Variants in ITPR2 observed in about 807,000 individuals in gnomAD.
ITPR2 encodes inositol 1,4,5-trisphosphate-gated calcium channel ITPR2.
ITPR2 carries 207 observed loss-of-function variants against 317.1 expected under a neutral mutation model. The ratio of observed to expected loss-of-function variants is 0.65; its 90% CI spans 0.58 to 0.73. The LOEUF (loss-of-function observed/expected upper bound fraction) is 0.73, where lower values mean the gene tolerates loss of function less well. Ranked by LOEUF, ITPR2 falls within the 30% of genes least tolerant of loss-of-function variation. The probability of loss-of-function intolerance (pLI) is 0.00; values close to 1 mark genes in which losing one functional copy is unlikely to be tolerated. For missense variants in ITPR2, 2,613 were observed against 3,284.0 expected (o/e 0.80, Z 4.99); for synonymous variants, 1,156 against 1,149.1 (o/e 1.01, Z -0.12).
chr12:26,775,959 T>TATATATACATACATATATATATATATATA (rs1263788006), intron 2 of ITPR2, among the ~76,000 whole-genome samples: 2 of 145,088 alleles, frequency 1.4e-5, no homozygotes, highest in Non-Finnish European at 1.5e-5. Flanking sequence ...TATATGTATA[T>TATATATACATACATATATATATATATATA]CCTATTAGTT....
chr12:26,589,728 A>T (rs1345864974), intron 32 of ITPR2, among the ~76,000 whole-genome samples: 1 of 147,520 alleles, frequency 6.8e-6, no homozygotes, highest in East Asian at 1.9e-4. Context: ...CAGAGGTTGC[A>T]GTGAGCCAAG....
At chr12:26,405,618 C>T (rs1195973275) in intron 52 of ITPR2, among the ~76,000 whole-genome samples, 2 of 151,982 alleles carry the variant, frequency 1.3e-5, no homozygotes, top group Non-Finnish European at 2.9e-5. Context: ...TTTAATAATG[C>T]CATTTTTCTG....
At chr12:26,647,213 A>C (rs1461520666) in intron 21 of ITPR2, among the ~76,000 whole-genome samples, 2 of 152,264 alleles carry the variant, frequency 1.3e-5, no homozygotes, top group Non-Finnish European at 2.9e-5. Context: ...GGATAACTAA[A>C]TAACAAACCA....
At chr12:26,406,122 G>GA (rs898703026) in intron 52 of ITPR2, among the ~76,000 whole-genome samples, 2 of 151,850 alleles carry the variant, frequency 1.3e-5, no homozygotes, top group Non-Finnish European at 2.9e-5. Flanking sequence ...ATTTTAACGA[G>GA]AAAAAAAATT....
At position 26,619,473 on chromosome 12, in the gene ITPR2, T is replaced by C. The variant is rs1339761276; in HGVS notation, c.3462+1650A>G. ...TACTTAATCTAAACTAATCCTGTAC[T>C]CCACTGGTGTAGAGTTTTAACATCT... is the stretch of plus-strand genomic sequence containing the variant. On this transcript the variant is annotated intron_variant, in intron 26 of 56. Transcript: ENST00000381340. Among the ~76,000 whole-genome samples the C allele has an allele frequency of 2.6e-5, 4 of 152,158 alleles. 1 individual carries two copies. Among genetic ancestry groups the C allele is most frequent in the African/African-American group, 9.7e-5 (4 of 41,440 alleles).
intron 21 of ITPR2, among the ~76,000 whole-genome samples, chr12:26,651,034 T>C (rs1947241070): frequency 6.6e-6 from 1 of 152,232 alleles, no homozygotes; most frequent in Admixed American, 6.5e-5. Context: ...GAAACCCTTA[T>C]TATTCTCTTT....
chr12:26,772,274 A>C (rs897673402), intron 2 of ITPR2, among the ~76,000 whole-genome samples: 1 of 151,338 alleles, frequency 6.6e-6, no homozygotes, highest in African/African-American at 2.4e-5. Flanking sequence ...GCCAAATGCC[A>C]TCTCAATTAA....
intron 55 of ITPR2, among the ~76,000 whole-genome samples, chr12:26,383,743 G>T (rs61914380): frequency 6.7e-6 from 1 of 148,732 alleles, no homozygotes; most frequent in African/African-American, 2.5e-5. Context: ...TGATCTTCCC[G>T]CCTCAGTCTC....
At chr12:26,582,864 G>A (rs1464354791) in intron 32 of ITPR2, among the ~76,000 whole-genome samples, 1 of 152,142 alleles carries the variant, frequency 6.6e-6, no homozygotes, top group African/African-American at 2.4e-5. Flanking sequence ...GTTGTATTCA[G>A]CTAATGTGAG....
At chr12:26,505,171 A>T (rs1012545054) in intron 37 of ITPR2, among the ~76,000 whole-genome samples, 1 of 152,188 alleles carries the variant, frequency 6.6e-6, no homozygotes, top group Non-Finnish European at 1.5e-5. Context: ...ATATTATAGG[A>T]AAAGAAAATG....
At chr12:26,766,074 G>C (rs150848063) in intron 2 of ITPR2, among the ~76,000 whole-genome samples, 4 of 152,048 alleles carry the variant, frequency 2.6e-5, no homozygotes, top group African/African-American at 9.7e-5. Context: ...TTTCCACTTC[G>C]AGCTATTATG....
rs577239838 is a variant in ITPR2 at position 26,436,132 on chromosome 12, C to T, written c.6769+89G>A. On this transcript the variant is annotated intron_variant, in intron 48 of 56. Coordinates refer to ENST00000381340, the MANE Select transcript of ITPR2 (RefSeq NM_002223.4). ...AACAAGTATAGAAAAATCCATTTAA[C>T]AGGAATGAAATTATTCTTATTTTGA... is the stretch of plus-strand genomic sequence containing the variant. 15 of 1,242,770 alleles carry T rather than the reference C, an allele frequency of 1.2e-5. No individual in the cohort carries two copies. In the African/African-American group the frequency reaches 2.1e-4, roughly 18 times the overall value. The allele number at this position is 1,242,770 out of a possible 1,614,324, so 77.0% of individuals were successfully genotyped here. A position where few individuals can be genotyped will look rare whatever the true frequency, so the allele number is the denominator to read the frequency against.
At chr12:26,497,955 C>T (rs932876148) in intron 37 of ITPR2, among the ~76,000 whole-genome samples, 5 of 152,080 alleles carry the variant, frequency 3.3e-5, no homozygotes, top group East Asian at 1.9e-4. Flanking sequence ...GAGCTGGTCT[C>T]GAACTCCTGA....
At chr12:26,532,336 G>A (rs1447952312) in intron 37 of ITPR2, among the ~76,000 whole-genome samples, 1 of 152,172 alleles carries the variant, frequency 6.6e-6, no homozygotes, top group African/African-American at 2.4e-5. Flanking sequence ...ACAAACTTGT[G>A]AACAGTATAA....
At chr12:26,697,413 T>C (rs1472675805) in intron 9 of ITPR2, among the ~76,000 whole-genome samples, 1 of 152,150 alleles carries the variant, frequency 6.6e-6, no homozygotes, top group Admixed American at 6.5e-5. Context: ...TGATGCAAAA[T>C]GAATTTTCAG....
chr12:26,554,067 AG>A (rs1324420019), intron 36 of ITPR2, among the ~76,000 whole-genome samples: 1 of 152,170 alleles, frequency 6.6e-6, no homozygotes, highest in African/African-American at 2.4e-5. Context: ...CTCTCCTTTC[AG>A]GTTACCTAAT....
chr12:26,795,410 A>G (rs1482884938), intron 1 of ITPR2, among the ~76,000 whole-genome samples: 1 of 152,266 alleles, frequency 6.6e-6, no homozygotes, highest in Non-Finnish European at 1.5e-5. Flanking sequence ...TAAAAGACCG[A>G]TAAGTTTGTC....
At chr12:26,368,412 T>C (rs1000352865) in intron 55 of ITPR2, among the ~76,000 whole-genome samples, 1 of 152,162 alleles carries the variant, frequency 6.6e-6, no homozygotes, top group African/African-American at 2.4e-5. Flanking sequence ...GAATTATAGG[T>C]ATTGGGAGAG....
In ITPR2 at chr12:26,415,506, G is replaced by A; in HGVS notation, c.7111-8C>T. On this transcript the variant is annotated splice_polypyrimidine_tract_variant and splice_region_variant and intron_variant, in intron 50 of 56. Transcript: ENST00000381340. ...GTACACCAAATCAAAAAGCTACAAAGATAAAGAAAACACTAATAAGAAAAG... is the reference window on the plus strand; with the variant it reads ...GTACACCAAATCAAAAAGCTACAAAAATAAAGAAAACACTAATAAGAAAAG... The A allele has an allele frequency of 2.0e-6, 3 of 1,515,864 alleles. No individual in the cohort carries two copies. Among genetic ancestry groups the A allele is most frequent in the Non-Finnish European group, 2.6e-6 (3 of 1,133,564 alleles). 93.9% of individuals were successfully genotyped at this position (1,515,864 alleles called of 1,614,324 possible).
Sources: gnomAD v4.1 joint callset for allele counts (sites outside exome capture counted in the v4.1 genomes callset) on GRCh38, gnomAD v4.1.1 for gene constraint, MANE v1.5 for transcripts, NCBI Gene and HGNC (gene_info 2026-07-23, HGNC 2026-07-21) for gene names.